RBFOX1: variants seen among roughly 807,000 people sequenced by gnomAD.
The protein encoded by RBFOX1 is RNA binding fox-1 homolog 1.
RBFOX1 carries 8 observed loss-of-function variants against 57.7 expected under a neutral mutation model. That is an observed-to-expected ratio of 0.14 (90% CI 0.08 to 0.25). RBFOX1 has a LOEUF of 0.25. RBFOX1 is among the 10% of genes least tolerant of loss of function. The pLI is 1.00. For missense variants in RBFOX1, 611 were observed against 548.5 expected (o/e 1.11, Z -1.14); for synonymous variants, 326 against 222.4 (o/e 1.47, Z -4.15).
At chr16:5,637,957 T>A (rs2151321454) in intron 3 of RBFOX1, among the ~76,000 whole-genome samples, 1 of 152,240 alleles carries the variant, frequency 6.6e-6, no homozygotes, top group East Asian at 1.9e-4. Flanking sequence ...GGTCCAGTGT[T>A]CTCAAGTATT....
chr16:7,420,544 G>T lies in RBFOX1; in HGVS notation c.28-97603G>T, dbSNP rs144824904. On this transcript the variant is annotated intron_variant, in intron 4 of 15. Transcript: ENST00000550418. ...TGAATCAACCAGGCCTTTTCTGCAA[G>T]AGCTTTCCTCAAGAATATTGAATTA... Among the ~76,000 whole-genome samples the T allele has an allele frequency of 1.6e-3, 241 of 152,200 alleles. 2 individuals carry two copies. Among genetic ancestry groups the T allele is most frequent in the African/African-American group, 5.7e-3 (236 of 41,532 alleles).
intron 2 of RBFOX1, among the ~76,000 whole-genome samples, chr16:6,598,882 G>A (rs2097809198): frequency 1.3e-5 from 2 of 152,200 alleles, no homozygotes; most frequent in South Asian, 4.1e-4. Context: ...GGAGATGGAA[G>A]TTACAGTGAG....
chr16:6,683,723 A>C (rs141534300), intron 3 of RBFOX1, among the ~76,000 whole-genome samples: 1 of 152,136 alleles, frequency 6.6e-6, no homozygotes, highest in African/African-American at 2.4e-5. Flanking sequence ...GGTGTGTGAG[A>C]TGGTGAGACG....
intron 3 of RBFOX1, among the ~76,000 whole-genome samples, chr16:5,611,850 G>T (rs1438114324): frequency 7.7e-6 from 1 of 129,550 alleles, no homozygotes; most frequent in East Asian, 2.5e-4. Flanking sequence ...CTCAGCTACT[G>T]TGTGCAGTAG....
At chr16:7,015,345 C>T (rs1030535595) in intron 3 of RBFOX1, among the ~76,000 whole-genome samples, 3 of 152,028 alleles carry the variant, frequency 2.0e-5, no homozygotes, top group Admixed American at 6.5e-5. Flanking sequence ...AGCTTGGCTT[C>T]TTAGCCTTTT....
intron 3 of RBFOX1, among the ~76,000 whole-genome samples, chr16:7,045,142 A>T (rs1189889860): frequency 6.6e-6 from 1 of 152,144 alleles, no homozygotes; most frequent in Non-Finnish European, 1.5e-5. Flanking sequence ...AACTCATGAG[A>T]TGTGTATGTC....
intron 2 of RBFOX1, among the ~76,000 whole-genome samples, chr16:5,489,869 G>C (rs922661417): frequency 1.3e-5 from 2 of 152,206 alleles, no homozygotes; most frequent in African/African-American, 4.8e-5. Flanking sequence ...CCCTCCACCA[G>C]ACCTGGGCAT....
At chr16:6,738,277 A>G (rs1321304399) in intron 3 of RBFOX1, among the ~76,000 whole-genome samples, 1 of 151,970 alleles carries the variant, frequency 6.6e-6, no homozygotes, top group African/African-American at 2.4e-5. Context: ...GCCCCAGCTT[A>G]CTGCTTTAAG....
chr16:5,412,093 G>T (rs476549), intron 1 of RBFOX1, among the ~76,000 whole-genome samples: 42,431 of 151,806 alleles, frequency 0.28, 6,173 homozygotes, highest in Middle Eastern at 0.39. Flanking sequence ...AGGTAGCCTG[G>T]ATAATGGGGA....
chr16:5,341,325 T>C (rs997430214), intron 1 of RBFOX1, among the ~76,000 whole-genome samples: 5 of 152,162 alleles, frequency 3.3e-5, no homozygotes, highest in African/African-American at 9.7e-5. Context: ...TACTGGATCC[T>C]GTTTGAAGAA....
At chr16:5,245,482 A>C (rs2062275127) in intron 1 of RBFOX1, among the ~76,000 whole-genome samples, 1 of 152,188 alleles carries the variant, frequency 6.6e-6, no homozygotes, top group Non-Finnish European at 1.5e-5. Flanking sequence ...GCCTGGGATG[A>C]GAGTGGAGAC....
At chr16:7,336,496 T>C (rs914637684) in intron 4 of RBFOX1, among the ~76,000 whole-genome samples, 1 of 152,242 alleles carries the variant, frequency 6.6e-6, no homozygotes, top group African/African-American at 2.4e-5. Flanking sequence ...CATCATGCAT[T>C]TGTTCCTTCA....
At chr16:6,636,927 G>T (rs2098441018) in intron 2 of RBFOX1, among the ~76,000 whole-genome samples, 1 of 111,698 alleles carries the variant, frequency 9.0e-6, no homozygotes, top group Non-Finnish European at 1.7e-5. Flanking sequence ...TATAAATTAT[G>T]TATAAATATA....
At chr16:6,236,724 T>C (rs1375318527) in intron 1 of RBFOX1, among the ~76,000 whole-genome samples, 1 of 152,178 alleles carries the variant, frequency 6.6e-6, no homozygotes, top group Non-Finnish European at 1.5e-5. Context: ...GTGCTGGGAT[T>C]ACAGGTGTGA....
chr16:6,743,208 A>G (rs1298457397), intron 3 of RBFOX1, among the ~76,000 whole-genome samples: 1 of 152,212 alleles, frequency 6.6e-6, no homozygotes, highest in Non-Finnish European at 1.5e-5. Flanking sequence ...AAGCCAGCAA[A>G]GGAAATAGAA....
rs538172822 is a variant in RBFOX1, at chr16:7,015,811, G to T, written c.-15-36246G>T. Among the ~76,000 whole-genome samples, 342 of 147,606 alleles carry T rather than the reference G, an allele frequency of 2.3e-3. 2 individuals carry two copies. The highest frequency in any genetic ancestry group is 8.2e-3 in the African/African-American group (328 of 39,806). ...TCTGACTAATAACATTTTCTGATTT[G>T]GGTAGAAAGAAATATTATTCCACAA... On this transcript the variant is annotated intron_variant, in intron 3 of 15. Coordinates refer to ENST00000550418, the MANE Select transcript of RBFOX1 (RefSeq NM_018723.4).
chr16:7,437,874 A>G (rs1445347685), intron 4 of RBFOX1, among the ~76,000 whole-genome samples: 1 of 151,918 alleles, frequency 6.6e-6, no homozygotes, highest in Admixed American at 6.6e-5. Context: ...CAGAAAAAAA[A>G]AATGAATATA....
At chr16:5,328,796 C>G (rs1323915669) in intron 1 of RBFOX1, among the ~76,000 whole-genome samples, 1 of 152,170 alleles carries the variant, frequency 6.6e-6, no homozygotes, top group Non-Finnish European at 1.5e-5. Context: ...TTTTTACATG[C>G]AAGAATCAGC....
At chr16:6,506,324 G>A (rs746797078) in intron 2 of RBFOX1, among the ~76,000 whole-genome samples, 3 of 152,130 alleles carry the variant, frequency 2.0e-5, no homozygotes, top group Admixed American at 2.0e-4. Context: ...GGGAGCTGGA[G>A]GGAAGAGCCA....
Sources: allele counts gnomAD v4.1 joint callset (sites outside exome capture counted in the v4.1 genomes callset), GRCh38; gene constraint gnomAD v4.1.1; transcripts MANE v1.5; gene names NCBI Gene and HGNC (gene_info 2026-07-23, HGNC 2026-07-21).